The following ZIM2 variants were observed in gnomAD, a reference collection of about 807,000 sequenced individuals.
ZIM2 encodes zinc finger protein 656.
In ZIM2, 14 loss-of-function variants were observed where a neutral mutation model predicts 38.6. The ratio of observed to expected loss-of-function variants is 0.36; its 90% CI spans 0.24 to 0.57. The LOEUF (loss-of-function observed/expected upper bound fraction) is 0.57. Ranked by LOEUF, ZIM2 falls within the 20% of genes least tolerant of loss-of-function variation. ZIM2 has a pLI of 0.81. For synonymous variants in ZIM2, 247 were observed against 245.8 expected (o/e 1.00, Z -0.04); for missense variants, 680 against 695.1 (o/e 0.98, Z 0.24).
chr19:56,812,363 A>G, intron 9 of ZIM2: 1 of 984,996 alleles, frequency 1.0e-6, no homozygotes, highest in Non-Finnish European at 1.2e-6. Context: ...TAACAAAACA[A>G]ATTAAGGCTG....
At chr19:56,824,932 T>C (rs1336057953) in intron 3 of ZIM2, 2 of 362,554 alleles carry the variant, frequency 5.5e-6, no homozygotes, top group Non-Finnish European at 1.0e-5. Flanking sequence ...AGAGACCTAC[T>C]CGAGGAGTTA....
chr19:56,825,462 TCTTTA>T (rs2060929175), intron 3 of ZIM2, among the ~76,000 whole-genome samples: 1 of 152,260 alleles, frequency 6.6e-6, no homozygotes, highest in African/African-American at 2.4e-5. Context: ...TCTTACTGTT[TCTTTA>T]CTTAGTTCAT....
intron 9 of ZIM2, chr19:56,793,089 A>G: frequency 6.5e-6 from 1 of 152,708 alleles, no homozygotes; most frequent in Non-Finnish European, 1.5e-5. Flanking sequence ...CCCATGTCTG[A>G]ATCTCCTCTG....
chr19:56,812,113 CT>C (rs752513979), intron 9 of ZIM2: 40 of 968,480 alleles, frequency 4.1e-5, no homozygotes, highest in South Asian at 4.8e-5. Flanking sequence ...TTTTGCAAAT[CT>C]TTTTTTTTAA....
At chr19:56,823,295 A>T (rs1348971755) in intron 5 of ZIM2, among the ~76,000 whole-genome samples, 1 of 152,252 alleles carries the variant, frequency 6.6e-6, no homozygotes, top group Non-Finnish European at 1.5e-5. Context: ...AGCATCTTTA[A>T]TGAACCTTCC....
intron 12 of ZIM2, among the ~76,000 whole-genome samples, chr19:56,776,924 C>T (rs1028379411): frequency 6.6e-6 from 1 of 152,122 alleles, no homozygotes; most frequent in African/African-American, 2.4e-5. Context: ...ATCTTAGTTG[C>T]AAGATCTGTA....
chr19:56,820,577 C>A (rs551102646), intron 7 of ZIM2, among the ~76,000 whole-genome samples: 1 of 152,354 alleles, frequency 6.6e-6, no homozygotes, highest in East Asian at 1.9e-4. Flanking sequence ...CTCCCTAATG[C>A]CTGGGGTCCC....
chr19:56,807,240 C>A (rs2047802538), intron 9 of ZIM2, among the ~76,000 whole-genome samples: 2 of 152,214 alleles, frequency 1.3e-5, no homozygotes, highest in South Asian at 2.1e-4. Flanking sequence ...AAATTGACTT[C>A]TTTCCCAGTG....
intron 9 of ZIM2, chr19:56,813,797 C>A: frequency 6.2e-7 from 1 of 1,614,100 alleles, no homozygotes; most frequent in South Asian, 1.1e-5. Context: ...CTGGTGCTGG[C>A]ACGTTCGATG....
In ZIM2 at chr19:56,814,939, C is replaced by A; in HGVS notation, c.490+2807G>T. The A allele has an allele frequency of 6.2e-7, 1 of 1,614,206 alleles. No homozygotes were observed. Among genetic ancestry groups the A allele is most frequent in the Non-Finnish European group, 8.5e-7 (1 of 1,180,038 alleles). Reference sequence around the variant, plus strand: ...TGAGCTATGAATAAAAGATTCCCCACACTTTGGACATTCATACAGCTGCTC... The same window carrying A: ...TGAGCTATGAATAAAAGATTCCCCAAACTTTGGACATTCATACAGCTGCTC... On this transcript the variant is annotated intron_variant, in intron 9 of 12. Coordinates refer to ENST00000629319, the MANE Select transcript of ZIM2 (RefSeq NM_001387356.1). The surrounding 1 kb of genome is among the most constrained non-coding windows in gnomAD (Gnocchi z 5.8).
At chr19:56,811,280 A>G (rs1314541043) in intron 9 of ZIM2, 1 of 922,178 alleles carries the variant, frequency 1.1e-6, no homozygotes, top group Non-Finnish European at 1.3e-6. Flanking sequence ...GCTTTTGACT[A>G]TAAGCATATA....
intron 7 of ZIM2, 119 bp downstream of exon 7, chr19:56,821,532 G>A: frequency 1.6e-6 from 2 of 1,252,756 alleles, no homozygotes; most frequent in South Asian, 2.8e-5. Flanking sequence ...CTGGAGCGCT[G>A]GGACTCTCAC....
At chr19:56,816,910 CCA>C (rs541630820) in intron 9 of ZIM2, 1 of 1,614,176 alleles carries the variant, frequency 6.2e-7, no homozygotes, top group African/African-American at 1.3e-5. Flanking sequence ...GAAGGTCTCT[CCA>C]CAGTCCTTAC....
intron 10 of ZIM2, 150 bp from the exon 11 acceptor site, chr19:56,782,271 T>C (rs2145862313): frequency 2.8e-6 from 3 of 1,079,902 alleles, no homozygotes; most frequent in Admixed American, 5.4e-5. Context: ...CTGAGAGAAG[T>C]GGGAACATTA....
intron 2 of ZIM2, among the ~76,000 whole-genome samples, chr19:56,832,553 C>G (rs930109801): frequency 1.3e-5 from 2 of 152,254 alleles, no homozygotes; most frequent in Non-Finnish European, 2.9e-5. Context: ...ATATCTCCCT[C>G]TGCTCTCTCT....
chr19:56,837,172 T>G (rs1431694820), intron 1 of ZIM2, among the ~76,000 whole-genome samples: 2 of 152,050 alleles, frequency 1.3e-5, no homozygotes, highest in Non-Finnish European at 2.9e-5. Context: ...GAACTAAGCT[T>G]TGGAAGCTGG....
rs747182320 is a variant in ZIM2, at chr19:56,775,065, C to G, written c.1300G>C (p.Val434Leu). Residue 434 changes from valine (V) to leucine (L), a missense_variant, in exon 13 of 13, where the codon GTA (valine) becomes CTA (leucine). By Grantham distance (32) the Val-to-Leu change is conservative (BLOSUM62 1). Coordinates refer to ENST00000629319, the MANE Select transcript of ZIM2 (RefSeq NM_001387356.1). ...SVQCANLCER[V>L]RIHSQEDYFE... is the part of the protein sequence containing the mutation. ...TAGTCCTCCTGACTGTGAATTCTTA[C>G]ACGTTCACAGAGATTCGCACACTGG... The G allele has an allele frequency of 1.2e-6, 2 of 1,614,144 alleles. No homozygotes were observed. Among genetic ancestry groups the G allele is most frequent in the Non-Finnish European group, 8.5e-7 (1 of 1,180,042 alleles).
intron 2 of ZIM2, among the ~76,000 whole-genome samples, chr19:56,831,183 T>C (rs889528529): frequency 6.6e-6 from 1 of 152,114 alleles, no homozygotes; most frequent in Non-Finnish European, 1.5e-5. Flanking sequence ...CACACAAAAA[T>C]AAAGTGTTTT....
At chr19:56,817,515 A>C in intron 9 of ZIM2, 1 of 1,607,750 alleles carries the variant, frequency 6.2e-7, no homozygotes, top group African/African-American at 1.3e-5. Context: ...CTCCGTGGGA[A>C]GATTCATCTT....
Sources: gnomAD v4.1 joint callset for allele counts (sites outside exome capture counted in the v4.1 genomes callset) on GRCh38, gnomAD v4.1.1 for gene constraint, Gnocchi (gnomAD v3.1) non-coding constraint, MANE v1.5 for transcripts, NCBI Gene and HGNC (gene_info 2026-07-23, HGNC 2026-07-21) for gene names.